Variants in PDLIM2 observed in about 807,000 individuals in gnomAD.
PDLIM2 encodes PDZ and LIM domain protein 2.
PDLIM2 carries 51 observed loss-of-function variants against 54.1 expected under a neutral mutation model. That is an observed-to-expected ratio of 0.94 (90% confidence interval 0.75 to 1.19). The LOEUF (loss-of-function observed/expected upper bound fraction) is 1.19. Among genes scored for constraint, PDLIM2 ranks in the 50% most tolerant of loss-of-function variants. The probability of loss-of-function intolerance (pLI) is 0.00; values close to 1 mark genes in which losing one functional copy is unlikely to be tolerated. For missense variants in PDLIM2, 912 were observed against 874.0 expected (o/e 1.04, Z -0.55); for synonymous variants, 398 against 385.6 (o/e 1.03, Z -0.38).
In PDLIM2 at chr8:22,585,438, A is replaced by G. The variant is rs757472954; in HGVS notation, c.1290+39A>G. The G allele has an allele frequency of 1.9e-6, 3 of 1,562,696 alleles. No homozygotes were observed. In the East Asian group the frequency reaches 7.1e-5, roughly 37 times the overall value. ...GGGGAGGACAGGCTGGAGGAACAGAAGCACCTCCCGTTCCTGTGGGTTGCC... is the reference window on the plus strand; with the variant it reads ...GGGGAGGACAGGCTGGAGGAACAGAGGCACCTCCCGTTCCTGTGGGTTGCC... On this transcript the variant is annotated intron_variant, in intron 6 of 9. Coordinates refer to ENST00000308354, the Ensembl canonical transcript of PDLIM2.
downstream of PDLIM2, chr8:22,595,755 A>G (rs1800672166): frequency 6.6e-6 from 1 of 152,236 alleles, no homozygotes; most frequent in African/African-American, 2.4e-5. Context: ...GGGAGCTGTC[A>G]ATGCCAGAAG....
exon 1 of PDLIM2, chr8:22,579,444 G>T (rs950671936): frequency 1.5e-5 from 23 of 1,517,640 alleles, no homozygotes; most frequent in Non-Finnish European, 2.0e-5. Context: ...AGCGAAGGAG[G>T]CTCCAGAACT....
At chr8:22,578,765 G>C (rs375658857) in exon 1 of PDLIM2, 3 of 1,233,832 alleles carry the variant, frequency 2.4e-6, no homozygotes, top group East Asian at 6.3e-5. Context: ...AGCCCACCCT[G>C]CCCAGGACCT....
chr8:22,594,851 A>C (rs1398366541), downstream of PDLIM2: 1 of 658,428 alleles, frequency 1.5e-6, no homozygotes, highest in African/African-American at 1.9e-5. Context: ...CCTGGAGCTC[A>C]GGAGGCCGAG....
At chr8:22,584,737 A>T in intron 3 of PDLIM2, 84 bp from the exon 3 acceptor site, 2 of 1,316,288 alleles carry the variant, frequency 1.5e-6, no homozygotes, top group Non-Finnish European at 2.2e-6. Context: ...GTTGAGAACT[A>T]GATCTGGGAA....
intron 3 of PDLIM2, among the ~76,000 whole-genome samples, chr8:22,581,974 G>A (rs992678378): frequency 4.6e-5 from 7 of 152,198 alleles, no homozygotes; most frequent in Admixed American, 6.5e-5. Flanking sequence ...AGGACTTGGG[G>A]GGCTCATTCC....
chr8:22,580,452 A>G, intron 1 of PDLIM2, 23 bp from the exon 1 acceptor site: 1 of 1,491,782 alleles, frequency 6.7e-7, no homozygotes, highest in Non-Finnish European at 8.9e-7. Flanking sequence ...GGAGTTAGCC[A>G]CTTCCTCTAC....
intron 8 of PDLIM2, 129 bp downstream of exon 7, chr8:22,589,870 C>T (rs546931469): frequency 3.6e-5 from 47 of 1,312,594 alleles, no homozygotes; most frequent in Non-Finnish European, 3.9e-5. Context: ...GGCACGGAGC[C>T]GAGCAGAGCG....
intron 9 of PDLIM2, chr8:22,592,208 A>T (rs1586930045): frequency 1.4e-5 from 2 of 148,066 alleles, no homozygotes; most frequent in Middle Eastern, 3.6e-3. Flanking sequence ...CAGCCTCCCG[A>T]GTTGTTGGGG....
At chr8:22,579,715 G>C in intron 1 of PDLIM2, 1 of 623,416 alleles carries the variant, frequency 1.6e-6, no homozygotes. Flanking sequence ...GTGCTGGGCA[G>C]GGTGGTGCCC....
Position 22,584,716 on chromosome 8 carries a change from C to G in PDLIM2, c.996-105C>G, listed in dbSNP as rs570885873. On this transcript the variant is annotated intron_variant, in intron 3 of 9. Transcript: ENST00000308354. ...AACCGGATGTCCAAATTTTCTGTAG[C>G]TTTTACTGGTGTTGAGAACTAGATC... is the stretch of plus-strand genomic sequence containing the variant. The G allele has an allele frequency of 4.6e-6, 5 of 1,077,180 alleles. No homozygotes were observed. The African/African-American group carries it at 7.9e-5, about 17-fold the overall frequency. 66.7% of individuals were successfully genotyped at this position (1,077,180 alleles called of 1,614,324 possible).
At chr8:22,583,828 A>ATTTTGC (rs963041333) in intron 3 of PDLIM2, among the ~76,000 whole-genome samples, 1 of 135,040 alleles carries the variant, frequency 7.4e-6, no homozygotes, top group African/African-American at 2.7e-5. Context: ...GCTGAGTGAT[A>ATTTTGC]TCAGTGACAA....
At chr8:22,595,710 C>A (rs11785755), downstream of PDLIM2, 40,426 of 152,146 alleles carry the variant, frequency 0.27, 6,213 homozygotes, top group South Asian at 0.37. Context: ...TAGCTCAGAG[C>A]AGTGGCTGAT....
At chr8:22,591,710 G>T (rs373453949) in intron 9 of PDLIM2, 42 bp downstream of exon 8, 83 of 1,543,780 alleles carry the variant, frequency 5.4e-5, no homozygotes, top group Non-Finnish European at 6.8e-5. Flanking sequence ...CTTCACAGGG[G>T]AGTGGGGAGG....
In PDLIM2 at chr8:22,586,978, C is replaced by G. The variant is rs1403166721; in HGVS notation, c.1290+1579C>G. ...CCCACCTCTGCCTGACGACTTGGAC[C>G]AGCCCCCCTTCCTCTCCCTGGGCCT... On this transcript the variant is annotated intron_variant, in intron 6 of 9. Coordinates refer to ENST00000308354, the Ensembl canonical transcript of PDLIM2. 2.6e-5 allele frequency among the ~76,000 whole-genome samples: 4 copies of G among 152,310 alleles called. No individual in the cohort carries two copies. The East Asian group carries it at 7.7e-4, about 29-fold the overall frequency.
chr8:22,594,727 C>T (rs1800646412), downstream of PDLIM2: 4 of 1,522,782 alleles, frequency 2.6e-6, no homozygotes, highest in East Asian at 2.3e-5. Context: ...CGACACCTTC[C>T]ACTTCTTTCC....
exon 1 of PDLIM2, chr8:22,578,779 G>A: frequency 8.1e-7 from 1 of 1,234,036 alleles, no homozygotes; most frequent in Non-Finnish European, 1.0e-6. Flanking sequence ...AGGACCTGGG[G>A]ATGCGGGGCG....
At chr8:22,582,078 C>A (rs1800219901) in intron 3 of PDLIM2, among the ~76,000 whole-genome samples, 1 of 152,150 alleles carries the variant, frequency 6.6e-6, no homozygotes, top group African/African-American at 2.4e-5. Flanking sequence ...AAGGTGGGGC[C>A]AGGGTGGGGC....
At chr8:22,584,760 CTT>C (rs1800320910) in intron 3 of PDLIM2, 59 bp from the exon 3 acceptor site, 1 of 1,560,306 alleles carries the variant, frequency 6.4e-7, no homozygotes, top group East Asian at 2.2e-5. Context: ...GTTTTGGCCT[CTT>C]TTGGGGGTTG....
Sources: allele counts gnomAD v4.1 joint callset (sites outside exome capture counted in the v4.1 genomes callset), GRCh38; gene constraint gnomAD v4.1.1; transcripts MANE v1.5; gene names NCBI Gene and HGNC (gene_info 2026-07-23, HGNC 2026-07-21).